The following STX8 variants were observed in gnomAD, a reference collection of about 807,000 sequenced individuals.
STX8 encodes the protein syntaxin-8.
In STX8, 23 loss-of-function variants were observed where a neutral mutation model predicts 37.5. That is an observed-to-expected ratio of 0.61 (90% CI 0.44 to 0.87). The LOEUF is 0.87. STX8 is among the 40% of genes least tolerant of loss of function. The pLI is 0.00. For synonymous variants in STX8, 115 were observed against 99.1 expected, an observed-to-expected ratio of 1.16 and a Z score of -0.95; for missense variants, 313 against 284.7, an observed-to-expected ratio of 1.10 and a Z score of -0.71.
At chr17:9,575,007 A>T (rs1230746087) in intron 1 of STX8, among the ~76,000 whole-genome samples, 1 of 152,230 alleles carries the variant, frequency 6.6e-6, no homozygotes, top group African/African-American at 2.4e-5. Flanking sequence ...ACATATTCCA[A>T]CAAGAACGTT....
intron 4 of STX8, among the ~76,000 whole-genome samples, chr17:9,520,764 G>A (rs895881133): frequency 7.2e-5 from 11 of 152,178 alleles, no homozygotes; most frequent in Admixed American, 6.5e-4. Flanking sequence ...TAGGAAGGGC[G>A]TTCTTATCAA....
In STX8 at chr17:9,255,731, G is replaced by A. The variant is rs573806003; in HGVS notation, c.644-5086C>T. On this transcript the variant is annotated intron_variant, in intron 7 of 7. Transcript: ENST00000306357. The stretch of plus-strand genomic sequence containing the variant: ...ATTTTAAACCCTTTCAGAGCAAACA[G>A]GGGGAGACTTTAAACAGGCTTAAGT... Among the ~76,000 whole-genome samples the A allele has an allele frequency of 2.7e-4, 40 of 147,884 alleles. 1 individual carries two copies. Among genetic ancestry groups the A allele is most frequent in the Admixed American group, 2.3e-3 (35 of 15,112 alleles).
chr17:9,572,252 G>GATAGGCCA (rs1907714900), intron 1 of STX8, among the ~76,000 whole-genome samples: 1 of 152,154 alleles, frequency 6.6e-6, no homozygotes, highest in Non-Finnish European at 1.5e-5. Context: ...GGCTCCTTCT[G>GATAGGCCA]TTAAACAGCG....
chr17:9,417,763 G>T (rs547505370), intron 6 of STX8, among the ~76,000 whole-genome samples: 4 of 152,136 alleles, frequency 2.6e-5, no homozygotes, highest in Non-Finnish European at 4.4e-5. Context: ...AATGGCCAAC[G>T]ATGTAATCAA....
At chr17:9,488,685 G>C (rs1906709643) in intron 6 of STX8, among the ~76,000 whole-genome samples, 1 of 152,114 alleles carries the variant, frequency 6.6e-6, no homozygotes, top group Admixed American at 6.6e-5. Flanking sequence ...TCAAAGATAT[G>C]AATTCTCCCC....
intron 3 of STX8, among the ~76,000 whole-genome samples, chr17:9,547,766 CCTTTTCTTTT>C (rs201022655): frequency 2.0e-5 from 3 of 149,162 alleles, no homozygotes; most frequent in African/African-American, 7.5e-5. Context: ...TACATTCTTT[CCTTTTCTTTT>C]CTTTTCTTTT....
chr17:9,395,007 C>G (rs1043476505), intron 6 of STX8, among the ~76,000 whole-genome samples: 3 of 150,562 alleles, frequency 2.0e-5, no homozygotes, highest in Non-Finnish European at 2.9e-5. Flanking sequence ...ACCCGGGAGG[C>G]AGAGGTTGCA....
At chr17:9,510,256 T>G (rs1390620281) in intron 4 of STX8, among the ~76,000 whole-genome samples, 1 of 152,090 alleles carries the variant, frequency 6.6e-6, no homozygotes, top group Non-Finnish European at 1.5e-5. Context: ...AAACATCATA[T>G]TTAAACTACA....
chr17:9,278,291 A>G (rs1488399858), intron 7 of STX8, among the ~76,000 whole-genome samples: 2 of 152,250 alleles, frequency 1.3e-5, no homozygotes, highest in African/African-American at 2.4e-5. Context: ...TCTACTAAAA[A>G]TACAAAATTA....
chr17:9,388,019 T>A (rs894522073), intron 6 of STX8, among the ~76,000 whole-genome samples: 19 of 152,138 alleles, frequency 1.2e-4, no homozygotes, highest in African/African-American at 3.1e-4. Context: ...AGTTTTTCAT[T>A]TTGGTTGGTA....
At chr17:9,328,078 C>CTT (rs1909838597) in intron 7 of STX8, among the ~76,000 whole-genome samples, 1 of 144,560 alleles carries the variant, frequency 6.9e-6, no homozygotes, top group East Asian at 2.1e-4. Context: ...TCTTTCTTTT[C>CTT]TTTTCTTTCT....
At chr17:9,368,922 CTTT>C (rs71830909) in intron 7 of STX8, among the ~76,000 whole-genome samples, 42 of 145,356 alleles carry the variant, frequency 2.9e-4, no homozygotes, top group Non-Finnish European at 3.3e-4. Context: ...ACCTTTTACC[CTTT>C]TTTTTTTTTT....
intron 6 of STX8, among the ~76,000 whole-genome samples, chr17:9,382,293 G>A (rs1911851468): frequency 6.6e-6 from 1 of 151,876 alleles, no homozygotes; most frequent in African/African-American, 2.4e-5. Flanking sequence ...GGGTAAAGAG[G>A]AACAAAAGAT....
At chr17:9,405,029 T>C (rs1413537884) in intron 6 of STX8, among the ~76,000 whole-genome samples, 1 of 152,192 alleles carries the variant, frequency 6.6e-6, no homozygotes, top group Non-Finnish European at 1.5e-5. Flanking sequence ...TTTTTTTGTT[T>C]GGCTCTGTTG....
chr17:9,429,607 G>A (rs1265570646), intron 6 of STX8, among the ~76,000 whole-genome samples: 2 of 136,266 alleles, frequency 1.5e-5, no homozygotes, highest in African/African-American at 5.5e-5. Flanking sequence ...GGAGGCTGAG[G>A]CAGGAGAATG....
intron 6 of STX8, among the ~76,000 whole-genome samples, chr17:9,403,651 T>A (rs970976827): frequency 6.6e-6 from 1 of 152,114 alleles, no homozygotes; most frequent in Non-Finnish European, 1.5e-5. Context: ...TTTTTTTTTT[T>A]TATTTTTTCC....
chr17:9,498,572 C>A (rs1461915159), intron 5 of STX8, among the ~76,000 whole-genome samples: 2 of 152,140 alleles, frequency 1.3e-5, no homozygotes, highest in Non-Finnish European at 2.9e-5. Context: ...AGAAAGTTTT[C>A]TGTGAAGCTG....
intron 7 of STX8, among the ~76,000 whole-genome samples, chr17:9,328,167 G>T (rs1189742966): frequency 3.3e-5 from 5 of 151,612 alleles, no homozygotes; most frequent in Non-Finnish European, 5.9e-5. Context: ...CACCTCCAGA[G>T]AATTTATTTA....
chr17:9,458,752 A>G (rs1008987471), intron 6 of STX8, among the ~76,000 whole-genome samples: 3 of 152,188 alleles, frequency 2.0e-5, no homozygotes, highest in Non-Finnish European at 4.4e-5. Flanking sequence ...AGCTGAAGCC[A>G]AACAGCAGAG....
Sources: allele counts gnomAD v4.1 joint callset (sites outside exome capture counted in the v4.1 genomes callset), GRCh38; gene constraint gnomAD v4.1.1; transcripts MANE v1.5; gene names NCBI Gene and HGNC (gene_info 2026-07-23, HGNC 2026-07-21).